Variants in TP53BP1 observed in about 807,000 individuals in gnomAD.
TP53BP1 encodes tumor protein p53 binding protein 1, also known as TP53-binding protein 1.
TP53BP1 carries 61 observed loss-of-function variants against 200.8 expected under a neutral mutation model. That is an observed-to-expected ratio of 0.30 (90% CI 0.25 to 0.38). The LOEUF (loss-of-function observed/expected upper bound fraction) is 0.38, where lower values mean the gene tolerates loss of function less well. Among genes scored for constraint, TP53BP1 ranks in the 10% least tolerant of loss-of-function variants. TP53BP1 has a pLI of 1.00. For missense variants in TP53BP1, 2,144 were observed against 2,371.9 expected (o/e 0.90, Z 2.00); for synonymous variants, 822 against 844.3 (o/e 0.97, Z 0.46).
intron 21 of TP53BP1, chr15:43,416,822 G>C (rs572607051): frequency 1.3e-5 from 2 of 158,250 alleles, no homozygotes; most frequent in Non-Finnish European, 2.8e-5. Context: ...AGCTGTAGGT[G>C]AAAAATGACA....
rs565527162 is a variant in TP53BP1 at position 43,456,314 on chromosome 15, T to G, written c.2294A>C (p.Asp765Ala). Residue 765 changes from aspartate to alanine, a missense_variant, in exon 12 of 28, where the codon GAT becomes GCT. Coordinates refer to ENST00000382044, the MANE Select transcript of TP53BP1 (RefSeq NM_001141980.3). ...TSEDSSVVIV[D>A]VKEPSPRVDV... ...AACTCTGGGAGATGGCTCTTTCACATCTACAATGACAACACTGGAGTCCTC... is the reference window on the plus strand; with the variant it reads ...AACTCTGGGAGATGGCTCTTTCACAGCTACAATGACAACACTGGAGTCCTC... 2.5e-6 allele frequency: 4 copies of G among 1,614,010 alleles called. No homozygotes were observed. The highest frequency in any genetic ancestry group is 3.4e-6 in the Non-Finnish European group (4 of 1,180,050).
At position 43,446,498 on chromosome 15, in the gene TP53BP1, T is replaced by C; in HGVS notation, c.2929A>G (p.Lys977Glu). The change falls in exon 14 of 28, where the codon AAA (lysine) becomes GAA (glutamate). Residue 977 changes from lysine to glutamate, a missense_variant. This residue lies in a region of TP53BP1 where 1,700 missense variants were observed against 1,710.3 expected (regional missense o/e 0.99). Coordinates refer to ENST00000382044, the MANE Select transcript of TP53BP1 (RefSeq NM_001141980.3). Reference sequence around the variant, plus strand: ...TCTGGGGCAGCCCCAGAATCCCCTTTTCCACTCCCAAGTATGGGATCATGG... The same window carrying C: ...TCTGGGGCAGCCCCAGAATCCCCTTCTCCACTCCCAAGTATGGGATCATGG... ...ETHDPILGSGKGDSGAAPDVD... is the reference protein window; with the variant it reads ...ETHDPILGSGEGDSGAAPDVD... 1 of 1,614,138 alleles carries C rather than the reference T, an allele frequency of 6.2e-7. No individual in the cohort carries two copies. Among genetic ancestry groups the C allele is most frequent in the Non-Finnish European group, 8.5e-7 (1 of 1,179,994 alleles).
At chr15:43,429,273 A>G (rs781780524) in intron 17 of TP53BP1, among the ~76,000 whole-genome samples, 36 of 152,170 alleles carry the variant, frequency 2.4e-4, no homozygotes, top group African/African-American at 7.2e-4. Context: ...ATTACCTAGG[A>G]CCTGCCTGTG....
intron 11 of TP53BP1, among the ~76,000 whole-genome samples, chr15:43,459,897 C>T (rs563696279): frequency 6.6e-6 from 1 of 152,160 alleles, no homozygotes; most frequent in Non-Finnish European, 1.5e-5. Flanking sequence ...TACTGAAATA[C>T]CAAAACTATA....
At chr15:43,449,314 T>C (rs977833060) in intron 12 of TP53BP1, among the ~76,000 whole-genome samples, 6 of 152,128 alleles carry the variant, frequency 3.9e-5, no homozygotes, top group African/African-American at 1.2e-4. Context: ...TTAGAAGAGA[T>C]ACAGAAACTT....
chr15:43,442,435 CAATT>C (rs1251244648), intron 14 of TP53BP1, among the ~76,000 whole-genome samples: 2 of 151,854 alleles, frequency 1.3e-5, no homozygotes, highest in African/African-American at 4.8e-5. Flanking sequence ...TTCCACCAAT[CAATT>C]TTCTTTCAAA....
At chr15:43,422,507 C>A (rs564536178) in intron 18 of TP53BP1, among the ~76,000 whole-genome samples, 1 of 152,182 alleles carries the variant, frequency 6.6e-6, no homozygotes, top group Non-Finnish European at 1.5e-5. Context: ...AAGATTCTAA[C>A]CTAGACGACA....
At chr15:43,469,782 G>T in intron 11 of TP53BP1, 76 bp downstream of exon 11, 1 of 1,163,740 alleles carries the variant, frequency 8.6e-7, no homozygotes, top group Non-Finnish European at 1.3e-6. Flanking sequence ...TGAATTTTAT[G>T]GTATGTAAAT....
Position 43,415,672 on chromosome 15 carries a change from C to T in TP53BP1, c.5011G>A (p.Gly1671Ser), listed in dbSNP as rs2045248581. 1.5e-5 allele frequency: 25 copies of T among 1,614,178 alleles called. No individual in the cohort carries two copies. Among genetic ancestry groups the T allele is most frequent in the Non-Finnish European group, 2.1e-5 (25 of 1,180,032 alleles). ...TCAGAAGTGATAAGTTTTCTTTTGC[C>T]TGAGAGAACTCCCATGGAGGCACGA... Reference protein sequence around the residue: ...SPRASMGVLSGKRKLITSEEE... With the variant: ...SPRASMGVLSSKRKLITSEEE... Residue 1671 changes from glycine to serine, a missense_variant, in exon 23 of 28, where the codon GGC becomes AGC. Physicochemically the swap from Gly to Ser is moderately conservative, Grantham distance 56 (BLOSUM62 0). Coordinates refer to ENST00000382044, the MANE Select transcript of TP53BP1 (RefSeq NM_001141980.3).
At position 43,456,272 on chromosome 15, in the gene TP53BP1, G is replaced by A. The variant is rs1400414596; in HGVS notation, c.2336C>T (p.Pro779Leu). The change falls in exon 12 of 28, where the codon CCT becomes CTT. Residue 779 changes from proline (P) to leucine (L), a missense_variant. Physicochemically the swap from Pro to Leu is moderately conservative, Grantham distance 98. Around this residue, in one of 4 missense-constraint regions of TP53BP1, gnomAD observed 1,700 missense variants for 1,710.3 expected, o/e 0.99. Coordinates refer to ENST00000382044, the MANE Select transcript of TP53BP1 (RefSeq NM_001141980.3). ...PSPRVDVSCE[P>L]LEGVEKCSDS... ...TGAGCACTTCTCCACTCCCTCCAAA[G>A]GTTCACAAGAAACATCAACTCTGGG... 7 of 1,614,096 alleles carry A rather than the reference G, an allele frequency of 4.3e-6. No homozygotes were observed. The highest frequency in any genetic ancestry group is 5.9e-6 in the Non-Finnish European group (7 of 1,180,034).
chr15:43,473,527 G>A (rs530914091), intron 10 of TP53BP1, among the ~76,000 whole-genome samples: 2 of 152,178 alleles, frequency 1.3e-5, no homozygotes, highest in African/African-American at 2.4e-5. Flanking sequence ...GACACAGGGT[G>A]CTGATTGGTG....
intron 4 of TP53BP1, among the ~76,000 whole-genome samples, chr15:43,483,283 A>G (rs2079000450): frequency 2.0e-5 from 3 of 147,842 alleles, no homozygotes; most frequent in African/African-American, 7.8e-5. Flanking sequence ...GAACAAATGT[A>G]TACTCTTTCA....
At chr15:43,418,795 C>G (rs1433159005) in intron 21 of TP53BP1, among the ~76,000 whole-genome samples, 3 of 152,220 alleles carry the variant, frequency 2.0e-5, no homozygotes, top group Admixed American at 6.5e-5. Context: ...TGCAGTCATA[C>G]AGACACAGCA....
At chr15:43,494,084 G>A (rs1194573521), upstream of TP53BP1, among the ~76,000 whole-genome samples, 1 of 152,088 alleles carries the variant, frequency 6.6e-6, no homozygotes, top group Non-Finnish European at 1.5e-5. Context: ...TTTTGTTGTT[G>A]TTGTTGTTGA....
At chr15:43,409,590 C>T in intron 25 of TP53BP1, 57 bp downstream of exon 25, 1 of 990,390 alleles carries the variant, frequency 1.0e-6, no homozygotes, top group Non-Finnish European at 1.5e-6. Context: ...CTTCTCAACA[C>T]AGCAAGTTGG....
chr15:43,428,063 C>G lies in TP53BP1; in HGVS notation c.3781G>C (p.Asp1261His). Residue 1261 changes from aspartate (D) to histidine (H), a missense_variant, in exon 18 of 28, where the codon GAT (aspartate) becomes CAT (histidine). This residue lies in a region of TP53BP1 where 1,700 missense variants were observed against 1,710.3 expected (regional missense o/e 0.99). Coordinates refer to ENST00000382044, the MANE Select transcript of TP53BP1 (RefSeq NM_001141980.3). ...TCTGTTCCATCCACATAATACACATCTGTAATGACACGAGTGACAAGTGTG... is the reference window on the plus strand; with the variant it reads ...TCTGTTCCATCCACATAATACACATGTGTAATGACACGAGTGACAAGTGTG... ...VRTLVTRVIT[D>H]VYYVDGTEVE... 2 of 1,613,006 alleles carry G rather than the reference C, an allele frequency of 1.2e-6. No homozygotes were observed. The highest frequency in any genetic ancestry group is 1.7e-6 in the Non-Finnish European group (2 of 1,179,074).
chr15:43,495,494 G>GTC (rs1391696155), upstream of TP53BP1, among the ~76,000 whole-genome samples: 6 of 110,348 alleles, frequency 5.4e-5, no homozygotes, highest in East Asian at 2.2e-4. Context: ...GTGAGACTCC[G>GTC]TCACACACAC....
intron 13 of TP53BP1, 49 bp from the exon 14 acceptor site, chr15:43,446,639 A>T (rs2046048922): frequency 6.3e-7 from 1 of 1,590,130 alleles, no homozygotes; most frequent in Admixed American, 1.7e-5. Context: ...CTAAAATACA[A>T]ACACAAAAAA....
chr15:43,461,163 A>G (rs1415290906), intron 11 of TP53BP1, among the ~76,000 whole-genome samples: 1 of 152,178 alleles, frequency 6.6e-6, no homozygotes, highest in Non-Finnish European at 1.5e-5. Context: ...TCACTGCTAT[A>G]TTATTATTTA....
Sources: gnomAD v4.1 joint callset for allele counts (sites outside exome capture counted in the v4.1 genomes callset) on GRCh38, gnomAD v4.1.1 for gene constraint, gnomAD v4.1.1 regional missense constraint, MANE v1.5 for transcripts, NCBI Gene and HGNC (gene_info 2026-07-23, HGNC 2026-07-21) for gene names.